The following STS variants were observed in gnomAD, a reference collection of about 807,000 sequenced individuals.
The protein encoded by STS is steroid sulfatase.
STS carries 7 observed loss-of-function variants against 26.8 expected under a neutral mutation model. The observed-to-expected ratio is 0.26, with a 90% confidence interval of 0.15 to 0.49. The LOEUF is 0.49. STS is among the 20% of genes least tolerant of loss of function. The pLI is 0.98. For missense variants in STS, 434 were observed against 465.6 expected, an observed-to-expected ratio of 0.93 and a Z score of 0.63; for synonymous variants, 199 against 189.4, an observed-to-expected ratio of 1.05 and a Z score of -0.42.
intron 8 of STS, among the ~76,000 whole-genome samples, chrX:7,322,645 C>T (rs756429418): frequency 1.8e-5 from 2 of 112,121 alleles, no homozygotes; most frequent in African/African-American, 6.5e-5. Flanking sequence ...AGGTGATCCA[C>T]CCGTCTTGGC....
chrX:7,203,327 A>G (rs761132068), intron 2 of STS, among the ~76,000 whole-genome samples: 2 of 103,695 alleles, frequency 1.9e-5, no homozygotes, highest in South Asian at 9.1e-4. Context: ...CTTAAAAAAT[A>G]GGAACTAAAC....
intron 7 of STS, 35 bp from the exon 8 acceptor site, chrX:7,305,011 G>T: frequency 8.3e-7 from 1 of 1,206,574 alleles, no homozygotes; most frequent in South Asian, 1.8e-5. Flanking sequence ...TTATGAATAT[G>T]CATTATTTTT....
At chrX:7,160,597 A>T (rs1259834032) in intron 1 of STS, among the ~76,000 whole-genome samples, 1 of 111,947 alleles carries the variant, frequency 8.9e-6, no homozygotes, top group Non-Finnish European at 1.9e-5. Context: ...AGAGAAATTA[A>T]ATCAATTAAC....
At chrX:7,309,626 G>C (rs1338108960) in intron 8 of STS, among the ~76,000 whole-genome samples, 1 of 111,277 alleles carries the variant, frequency 9.0e-6, no homozygotes, top group East Asian at 2.8e-4. Flanking sequence ...GCTAAATTTG[G>C]TAGAATGGCT....
intron 7 of STS, among the ~76,000 whole-genome samples, chrX:7,278,070 T>A (rs1343173413): frequency 8.9e-6 from 1 of 112,521 alleles, no homozygotes; most frequent in African/African-American, 3.2e-5. Context: ...TACTAGTTCC[T>A]CTAAAGTATT....
At chrX:7,221,844 A>C (rs1040013212) in intron 2 of STS, among the ~76,000 whole-genome samples, 2 of 112,237 alleles carry the variant, frequency 1.8e-5, no homozygotes, top group East Asian at 5.5e-4. Flanking sequence ...CTCTCTGGCT[A>C]TATTGGGCAT....
intron 7 of STS, among the ~76,000 whole-genome samples, chrX:7,302,736 C>A (rs1337291748): frequency 8.9e-6 from 1 of 111,959 alleles, no homozygotes; most frequent in Admixed American, 9.5e-5. Flanking sequence ...CTTCTCCTTC[C>A]CCTTTTCGGG....
chrX:7,265,810 C>A (rs1039483414), intron 6 of STS, among the ~76,000 whole-genome samples: 31 of 111,994 alleles, frequency 2.8e-4, no homozygotes, highest in Non-Finnish European at 5.5e-4. Flanking sequence ...TTACAATCAT[C>A]CTTGGGTAGA....
In STS at chrX:7,265,094, T is replaced by C. The variant is rs1221583652; in HGVS notation, c.806+5322T>C. ...TTCATGATGTATCAATGGGTCACAG[T>C]CTACATGATTGACCATGCTCTTACC... On this transcript the variant is annotated intron_variant, in intron 6 of 10. Transcript: ENST00000674429. Among the ~76,000 whole-genome samples the C allele has an allele frequency of 2.8e-5, 3 of 108,695 alleles. No homozygotes were observed. The Admixed American group carries it at 3.0e-4, about 11-fold the overall frequency. The allele number at this position is 108,695 out of a possible 115,157, so 94.4% of individuals were successfully genotyped here.
Position 7,325,385 on chromosome X carries a change from C to G in STS, c.1128C>G (p.Ile376Met). ...NWEGGIRVPGILRWPRVIQAG... is the reference protein window; with the variant it reads ...NWEGGIRVPGMLRWPRVIQAG... ...AAGGAGGTATCCGGGTTCCAGGCAT[C>G]CTTCGTTGGCCCAGGGTGATACAGG... The change falls in exon 9 of 11, where the codon ATC becomes ATG. Residue 376 changes from isoleucine (I) to methionine (M), a missense_variant. Ile to Met is a conservative substitution (Grantham distance 10). Around this residue, in one of 2 missense-constraint regions of STS, gnomAD observed 205 missense variants for 177.3 expected, o/e 1.16. Transcript: ENST00000674429. 1 of 1,211,267 alleles carries G rather than the reference C, an allele frequency of 8.3e-7. No individual in the cohort carries two copies. The highest frequency in any genetic ancestry group is 1.1e-6 in the Non-Finnish European group (1 of 895,291).
At chrX:7,323,394 G>A (rs765659520) in intron 8 of STS, among the ~76,000 whole-genome samples, 1 of 110,527 alleles carries the variant, frequency 9.0e-6, no homozygotes, top group South Asian at 4.0e-4. Flanking sequence ...CCCCCTAGTA[G>A]TTCCCAGTGT....
intron 7 of STS, among the ~76,000 whole-genome samples, chrX:7,301,774 G>C (rs1274228921): frequency 8.9e-6 from 1 of 111,804 alleles, no homozygotes; most frequent in African/African-American, 3.3e-5. Context: ...CTATAGCTTT[G>C]CCTTTCCCAG....
chrX:7,164,690 G>A (rs1382032190), intron 1 of STS, among the ~76,000 whole-genome samples: 1 of 109,871 alleles, frequency 9.1e-6, no homozygotes, highest in Non-Finnish European at 1.9e-5. Context: ...ATTGTTGAAA[G>A]GCTAAATTCC....
At chrX:7,241,576 A>G (rs1922622076) in intron 2 of STS, among the ~76,000 whole-genome samples, 1 of 112,309 alleles carries the variant, frequency 8.9e-6, no homozygotes, top group Non-Finnish European at 1.9e-5. Context: ...TCTTAAAATA[A>G]GTTCAACATG....
intron 2 of STS, among the ~76,000 whole-genome samples, chrX:7,198,554 C>T (rs1421701513): frequency 9.0e-6 from 1 of 111,475 alleles, no homozygotes; most frequent in African/African-American, 3.3e-5. Context: ...TGGTGTGTCC[C>T]CAGGCAAAAA....
chrX:7,170,532 G>GACT (rs1396671551), intron 1 of STS, among the ~76,000 whole-genome samples: 1 of 110,500 alleles, frequency 9.0e-6, no homozygotes, highest in African/African-American at 3.3e-5. Context: ...TAAAGTCCTG[G>GACT]GCTCAAGCAG....
Position 7,350,206 on chromosome X carries a change from C to T in STS, c.1682C>T (p.Thr561Ile). ...TGGCTTCAGCTGTGCTGTCCTTCCA[C>T]CGGCCTGTCTTGCCAGTGTGATAGA... is the stretch of plus-strand genomic sequence containing the variant. Reference protein sequence around the residue: ...KPWLQLCCPSTGLSCQCDREK... With the variant: ...KPWLQLCCPSIGLSCQCDREK... The change falls in exon 11 of 11, where the codon ACC becomes ATC. Residue 561 changes from threonine (T) to isoleucine (I), a missense_variant. Thr to Ile is a moderately conservative substitution (Grantham distance 89, BLOSUM62 -1). This residue lies in a region of STS where 205 missense variants were observed against 177.3 expected (regional missense o/e 1.16). Coordinates refer to ENST00000674429, the MANE Select transcript of STS (RefSeq NM_001320752.2). The T allele has an allele frequency of 1.8e-5, 22 of 1,211,712 alleles. No individual in the cohort carries two copies. The highest frequency in any genetic ancestry group is 2.5e-5 in the Non-Finnish European group (22 of 895,350).
At chrX:7,326,384 C>T (rs1236277345) in intron 9 of STS, among the ~76,000 whole-genome samples, 2 of 111,631 alleles carry the variant, frequency 1.8e-5, no homozygotes, top group East Asian at 2.8e-4. Context: ...ATCGTGCTGA[C>T]GCTCTTCTCG....
At chrX:7,273,145 A>G (rs5934881) in intron 6 of STS, among the ~76,000 whole-genome samples, 39,584 of 110,371 alleles carry the variant, frequency 0.36, 5,287 homozygotes, top group East Asian at 0.4. Flanking sequence ...GCAAGACTCT[A>G]TCTCAAATAT....
Sources: gnomAD v4.1 joint callset for allele counts (sites outside exome capture counted in the v4.1 genomes callset) on GRCh38, gnomAD v4.1.1 for gene constraint, gnomAD v4.1.1 regional missense constraint, MANE v1.5 for transcripts, NCBI Gene and HGNC (gene_info 2026-07-23, HGNC 2026-07-21) for gene names.